The following GSE1 variants were observed in gnomAD, a reference collection of about 807,000 sequenced individuals.
GSE1 encodes Gse1 coiled-coil protein.
Under a neutral mutation model 112.6 loss-of-function variants are expected in GSE1, and 32 were observed. That is an observed-to-expected ratio of 0.28 (90% CI 0.21 to 0.38). The LOEUF (loss-of-function observed/expected upper bound fraction) is 0.38, where lower values mean the gene tolerates loss of function less well. Ranked by LOEUF, GSE1 falls within the 10% of genes least tolerant of loss-of-function variation. The pLI is 1.00. For synonymous variants in GSE1, 1,115 were observed against 735.6 expected, an observed-to-expected ratio of 1.52 and a Z score of -8.35; for missense variants, 2,348 against 1,699.2, an observed-to-expected ratio of 1.38 and a Z score of -6.71.
At chr16:85,650,205 A>T (rs2151885610) in intron 3 of GSE1, among the ~76,000 whole-genome samples, 1 of 152,296 alleles carries the variant, frequency 6.6e-6, no homozygotes, top group East Asian at 1.9e-4. Context: ...GGCTTGGAGC[A>T]GCCCAAGGCG....
rs2051979097 is a variant in GSE1 at position 85,656,619 on chromosome 16, T to TGAGGAGCGGGGCAAGCCCTCG, written c.1270_1290dup (p.Glu424_Glu430dup). The TGAGGAGCGGGGCAAGCCCTCG allele has an allele frequency of 6.5e-7, 1 of 1,543,564 alleles. No individual in the cohort carries two copies. The highest frequency in any genetic ancestry group is 2.0e-5 in the Admixed American group (1 of 50,596). On this transcript the variant is annotated inframe_insertion, in exon 7 of 16. Transcript: ENST00000253458. Reference sequence around the variant, plus strand: ...TGCATGGGCTGCGTGGCCATGCCACTGAGGAGCGGGGCAAGCCCTCGGAGC... The same window carrying TGAGGAGCGGGGCAAGCCCTCG: ...TGCATGGGCTGCGTGGCCATGCCACTGAGGAGCGGGGCAAGCCCTCGGAGGAGCGGGGCAAGCCCTCGGAGC...
intron 2 of GSE1, among the ~76,000 whole-genome samples, chr16:85,646,629 G>T (rs2050889685): frequency 6.6e-6 from 1 of 152,198 alleles, no homozygotes; most frequent in African/African-American, 2.4e-5. Flanking sequence ...AAGGGGGCTT[G>T]GGGAGGGTGA....
intron 2 of GSE1, among the ~76,000 whole-genome samples, chr16:85,379,502 C>T (rs1233484790): frequency 1.3e-5 from 2 of 152,212 alleles, no homozygotes; most frequent in East Asian, 3.8e-4. Flanking sequence ...ATAGTAGGTG[C>T]TTCCATGTAT....
At chr16:85,414,745 C>G (rs1277286449) in intron 2 of GSE1, among the ~76,000 whole-genome samples, 1 of 152,094 alleles carries the variant, frequency 6.6e-6, no homozygotes, top group Admixed American at 6.5e-5. Context: ...AGCAATTCTC[C>G]TGCCTCAGCC....
At chr16:85,439,356 C>T (rs142154014) in intron 2 of GSE1, among the ~76,000 whole-genome samples, 2 of 152,338 alleles carry the variant, frequency 1.3e-5, no homozygotes, top group African/African-American at 4.8e-5. Flanking sequence ...CTCCCTGGGG[C>T]AAGATGAGGC....
At chr16:85,245,128 C>G (rs1008831379) in intron 1 of GSE1, among the ~76,000 whole-genome samples, 1 of 152,106 alleles carries the variant, frequency 6.6e-6, no homozygotes, top group Non-Finnish European at 1.5e-5. Context: ...TATCACTGTA[C>G]TCCAGCCTGG....
Position 85,563,064 on chromosome 16 carries a change from C to T in GSE1, c.37+6701C>T, listed in dbSNP as rs185100406. ...TCTGGGATTGTCCCCTTTTGGTGGT[C>T]TAGCTGCAGGATCAGCAGAAATTTT... On this transcript the variant is annotated intron_variant, in intron 1 of 2. Coordinates refer to the GSE1 transcript ENST00000635906. Among the ~76,000 whole-genome samples, 25 of 152,276 alleles carry T rather than the reference C, an allele frequency of 1.6e-4. No individual in the cohort carries two copies. In the East Asian group the frequency reaches 4.6e-3, roughly 28 times the overall value.
In GSE1 at chr16:85,214,509, C is replaced by A. The variant is rs147693216; in HGVS notation, c.2283+42702C>A. 3.5e-3 allele frequency among the ~76,000 whole-genome samples: 528 copies of A among 152,232 alleles called. 4 individuals carry two copies. Among genetic ancestry groups the A allele is most frequent in the African/African-American group, 0.012 (496 of 41,540 alleles). ...CTGGAAAAGGCAGGGAGGAGTCGGC[C>A]CCGGAGCCTTCAGAGGCAGCGCGGC... On this transcript the variant is annotated intron_variant, in intron 1 of 2. Coordinates refer to the GSE1 transcript ENST00000637419.
intron 2 of GSE1, among the ~76,000 whole-genome samples, chr16:85,384,312 C>T (rs1013857610): frequency 2.6e-5 from 4 of 152,186 alleles, no homozygotes; most frequent in Non-Finnish European, 5.9e-5. Context: ...CCTGGGAGGG[C>T]TGGAGAACCT....
At chr16:85,572,152 CCA>C (rs746420019) in intron 1 of GSE1, among the ~76,000 whole-genome samples, 26 of 147,536 alleles carry the variant, frequency 1.8e-4, no homozygotes, top group Admixed American at 1.0e-3. Context: ...ACACAACACA[CCA>C]CACACACACT....
intron 1 of GSE1, among the ~76,000 whole-genome samples, chr16:85,255,638 C>G (rs188429373): frequency 2.6e-5 from 4 of 152,090 alleles, no homozygotes; most frequent in Non-Finnish European, 5.9e-5. Context: ...CTCCTGACCT[C>G]GTGATCTGCC....
chr16:85,213,037 A>G (rs770934488), intron 1 of GSE1, among the ~76,000 whole-genome samples: 4 of 152,082 alleles, frequency 2.6e-5, no homozygotes, highest in African/African-American at 4.8e-5. Context: ...TTGGGAGGCC[A>G]AGGTGGGCAG....
At chr16:85,555,620 G>A (rs1206350176), upstream of GSE1, 4 of 949,314 alleles carry the variant, frequency 4.2e-6, no homozygotes, top group African/African-American at 6.0e-5. Context: ...AGTAGCTAAG[G>A]GGAAACAAAA....
intron 2 of GSE1, among the ~76,000 whole-genome samples, chr16:85,420,873 G>C (rs1267121760): frequency 6.6e-6 from 1 of 152,126 alleles, no homozygotes; most frequent in Non-Finnish European, 1.5e-5. Flanking sequence ...CCACACGGGG[G>C]CGCCCCTACC....
chr16:85,345,893 C>T (rs1343776657), intron 1 of GSE1, among the ~76,000 whole-genome samples: 1 of 152,028 alleles, frequency 6.6e-6, no homozygotes, highest in African/African-American at 2.4e-5. Context: ...AGTGGATGAA[C>T]AGTGGATATG....
chr16:85,423,518 C>G (rs890140038), intron 2 of GSE1, among the ~76,000 whole-genome samples: 4 of 152,164 alleles, frequency 2.6e-5, no homozygotes, highest in African/African-American at 7.2e-5. Flanking sequence ...CAGCCAGGGC[C>G]TCAACACAGG....
chr16:85,509,195 G>T (rs928152527), intron 2 of GSE1, among the ~76,000 whole-genome samples: 3 of 152,208 alleles, frequency 2.0e-5, no homozygotes, highest in African/African-American at 7.2e-5. Context: ...GGGCGTGTGG[G>T]TATGTGTGGG....
chr16:85,561,130 A>C (rs2045498086), intron 1 of GSE1, among the ~76,000 whole-genome samples: 1 of 141,980 alleles, frequency 7.0e-6, no homozygotes, highest in South Asian at 2.2e-4. Flanking sequence ...ACCTTGTCTC[A>C]AAAAAAAAAA....
chr16:85,183,877 T>C (rs1389878095), intron 1 of GSE1, among the ~76,000 whole-genome samples: 2 of 152,140 alleles, frequency 1.3e-5, no homozygotes, highest in African/African-American at 4.8e-5. Flanking sequence ...ATACCACCCT[T>C]TGCCTCCTTT....
Sources: allele counts gnomAD v4.1 joint callset (sites outside exome capture counted in the v4.1 genomes callset), GRCh38; gene constraint gnomAD v4.1.1; transcripts MANE v1.5; gene names NCBI Gene and HGNC (gene_info 2026-07-23, HGNC 2026-07-21).